SORCS1: variants seen among roughly 807,000 people sequenced by gnomAD.
SORCS1 encodes the protein VPS10 domain-containing receptor SorCS1.
SORCS1 carries 60 observed loss-of-function variants against 146.1 expected under a neutral mutation model. The ratio of observed to expected loss-of-function variants is 0.41; its 90% CI spans 0.33 to 0.51. SORCS1 has a LOEUF of 0.51. SORCS1 is among the 20% of genes least tolerant of loss of function. The pLI, the probability that SORCS1 is intolerant of heterozygous loss-of-function variation, is 0.21. For synonymous variants in SORCS1, 637 were observed against 584.0 expected (o/e 1.09, Z -1.31); for missense variants, 1,352 against 1,487.6 (o/e 0.91, Z 1.50).
intron 18 of SORCS1, among the ~76,000 whole-genome samples, chr10:106,650,003 C>T (rs1040870907): frequency 6.6e-6 from 1 of 152,090 alleles, no homozygotes; most frequent in Admixed American, 6.6e-5. Context: ...CATTCATGAA[C>T]ATAATAATCA....
chr10:106,610,926 A>T (rs1421352515), intron 22 of SORCS1, among the ~76,000 whole-genome samples: 1 of 152,102 alleles, frequency 6.6e-6, no homozygotes, highest in Non-Finnish European at 1.5e-5. Context: ...TAAAATACGA[A>T]AAAAATAGCT....
chr10:106,943,667 G>A (rs1018275293), intron 2 of SORCS1, among the ~76,000 whole-genome samples: 3 of 151,232 alleles, frequency 2.0e-5, no homozygotes, highest in Admixed American at 6.6e-5. Context: ...AAAAATAGCC[G>A]GGCATGGTGG....
chr10:107,009,606 G>T (rs1395241089), intron 1 of SORCS1, among the ~76,000 whole-genome samples: 1 of 152,148 alleles, frequency 6.6e-6, no homozygotes, highest in Non-Finnish European at 1.5e-5. Context: ...AGTTAAGTTT[G>T]TACTCAACAT....
At chr10:106,657,228 G>A (rs1850364074) in intron 17 of SORCS1, among the ~76,000 whole-genome samples, 1 of 152,136 alleles carries the variant, frequency 6.6e-6, no homozygotes, top group Admixed American at 6.5e-5. Flanking sequence ...CTGATGAGTG[G>A]ATAAAGGAAA....
Position 106,607,349 on chromosome 10 carries a change from G to T in SORCS1, c.3034-52C>A, listed in dbSNP as rs1846673624. 1.9e-6 allele frequency: 3 copies of T among 1,604,772 alleles called. No homozygotes were observed. The East Asian group carries it at 6.7e-5, about 36-fold the overall frequency. ...TTAGTGCTGCAGAGAAGAAAGCTGA[G>T]AAGGGACCAAGTATTTGGTGGGGGG... On this transcript the variant is annotated intron_variant, in intron 22 of 25. Transcript: ENST00000263054.
At chr10:106,878,208 C>T (rs1306957672) in intron 2 of SORCS1, among the ~76,000 whole-genome samples, 1 of 150,448 alleles carries the variant, frequency 6.6e-6, no homozygotes, top group Non-Finnish European at 1.5e-5. Flanking sequence ...AATTCCCTCA[C>T]CTTGCCACTG....
intron 3 of SORCS1, among the ~76,000 whole-genome samples, chr10:106,811,960 G>A (rs908906354): frequency 2.0e-5 from 3 of 152,138 alleles, no homozygotes; most frequent in African/African-American, 4.8e-5. Flanking sequence ...TGAAAATGGA[G>A]TTTATCATAC....
intron 3 of SORCS1, among the ~76,000 whole-genome samples, chr10:106,786,731 T>C (rs1393948258): frequency 2.0e-5 from 3 of 152,110 alleles, no homozygotes; most frequent in African/African-American, 7.2e-5. Flanking sequence ...TAACCACAAC[T>C]ATCTTCTGTA....
intron 10 of SORCS1, among the ~76,000 whole-genome samples, chr10:106,680,215 A>G (rs1369923478): frequency 6.6e-6 from 1 of 151,414 alleles, no homozygotes; most frequent in Non-Finnish European, 1.5e-5. Flanking sequence ...TCAAGACGTT[A>G]AAGAATATTT....
chr10:107,138,517 AC>A (rs1967532812), intron 1 of SORCS1, among the ~76,000 whole-genome samples: 1 of 152,132 alleles, frequency 6.6e-6, no homozygotes, highest in Non-Finnish European at 1.5e-5. Context: ...GGTCTACACC[AC>A]TCATCAATCT....
At chr10:106,848,851 G>A (rs2137241099) in intron 2 of SORCS1, among the ~76,000 whole-genome samples, 1 of 143,524 alleles carries the variant, frequency 7.0e-6, no homozygotes, top group East Asian at 2.1e-4. Context: ...ATGAAGCTTA[G>A]TTTGGCTGGA....
chr10:107,012,059 G>C (rs1370274163), intron 1 of SORCS1, among the ~76,000 whole-genome samples: 2 of 152,152 alleles, frequency 1.3e-5, no homozygotes, highest in Non-Finnish European at 2.9e-5. Flanking sequence ...GTTCAAATGT[G>C]CCCAGACAAC....
chr10:107,080,087 A>G (rs1264174957), intron 1 of SORCS1, among the ~76,000 whole-genome samples: 1 of 152,198 alleles, frequency 6.6e-6, no homozygotes, highest in Admixed American at 6.5e-5. Flanking sequence ...TTTCCCAGCA[A>G]TAAAATTGCT....
chr10:107,122,095 C>T lies in SORCS1; in HGVS notation c.558+41874G>A, dbSNP rs140190513. On this transcript the variant is annotated intron_variant, in intron 1 of 25. Coordinates refer to ENST00000263054, the MANE Select transcript of SORCS1 (RefSeq NM_052918.5). Reference sequence around the variant, plus strand: ...TTAGTGCCAGTCTTGAGAAGTGCTCCGGAGACTGGTTTTGGCTTTGTCTAT... The same window carrying T: ...TTAGTGCCAGTCTTGAGAAGTGCTCTGGAGACTGGTTTTGGCTTTGTCTAT... Among the ~76,000 whole-genome samples the T allele has an allele frequency of 1.8e-3, 275 of 152,230 alleles. 1 individual carries two copies. The highest frequency in any genetic ancestry group is 6.8e-3 in the Middle Eastern group (2 of 294).
Position 107,034,696 on chromosome 10 carries a change from A to AC in SORCS1, c.559-78117_559-78116insG, listed in dbSNP as rs1387233841. 4.1e-5 allele frequency among the ~76,000 whole-genome samples: 6 copies of AC among 146,250 alleles called. 1 individual carries two copies. Among genetic ancestry groups the AC allele is most frequent in the Non-Finnish European group, 7.5e-5 (5 of 66,230 alleles). On this transcript the variant is annotated intron_variant, in intron 1 of 25. Coordinates refer to ENST00000263054, the MANE Select transcript of SORCS1 (RefSeq NM_052918.5). ...ACTCCATCTCAAAAAAAAAAAAAAA[A>AC]AAAAAAAAAAACAATGTTCATAGAA...
At chr10:107,134,562 C>T (rs1174674961) in intron 1 of SORCS1, among the ~76,000 whole-genome samples, 4 of 152,140 alleles carry the variant, frequency 2.6e-5, no homozygotes, top group African/African-American at 7.2e-5. Context: ...TGGCTTGAAC[C>T]TGGGAGGCGG....
intron 1 of SORCS1, among the ~76,000 whole-genome samples, chr10:107,084,239 G>A (rs1272184187): frequency 1.3e-5 from 2 of 150,510 alleles, no homozygotes; most frequent in Non-Finnish European, 3.0e-5. Flanking sequence ...GGGACTATAG[G>A]TGCCCACCAC....
rs560963595 is a variant in SORCS1, at chr10:106,809,684, A to ATG, written c.726+19889_726+19890insCA. Among the ~76,000 whole-genome samples, 31 of 152,290 alleles carry ATG rather than the reference A, an allele frequency of 2.0e-4. 2 individuals are homozygous for ATG. The South Asian group carries it at 5.8e-3, about 29-fold the overall frequency. ...AGACTCCCCTTCACTATATATATAT[A>ATG]TAAAAAATCTCCAGAATCTGTTTGT... On this transcript the variant is annotated intron_variant, in intron 3 of 25. Coordinates refer to ENST00000263054, the MANE Select transcript of SORCS1 (RefSeq NM_052918.5).
At position 106,922,793 on chromosome 10, in the gene SORCS1, T is replaced by C. The variant is rs552177256; in HGVS notation, c.626+33720A>G. On this transcript the variant is annotated intron_variant, in intron 2 of 25. Coordinates refer to ENST00000263054, the MANE Select transcript of SORCS1 (RefSeq NM_052918.5). The stretch of plus-strand genomic sequence containing the variant: ...TATAATAACAATGTGTCCACCATTT[T>C]AGTATCATATAGAATAGTTTCGCTA... Among the ~76,000 whole-genome samples the C allele has an allele frequency of 5.9e-5, 9 of 152,348 alleles. No individual in the cohort carries two copies. In the South Asian group the frequency reaches 1.9e-3, roughly 32 times the overall value.
Sources: gnomAD v4.1 joint callset for allele counts (sites outside exome capture counted in the v4.1 genomes callset) on GRCh38, gnomAD v4.1.1 for gene constraint, MANE v1.5 for transcripts, NCBI Gene and HGNC (gene_info 2026-07-23, HGNC 2026-07-21) for gene names.